The following SUN3 variants were observed in gnomAD, a reference collection of about 807,000 sequenced individuals.
SUN3 encodes SUN domain-containing protein 3.
A neutral mutation model predicts 48.2 loss-of-function variants in SUN3; 36 were observed. The observed-to-expected ratio is 0.75, with a 90% CI of 0.57 to 0.99. The LOEUF is 0.99. Among genes scored for constraint, SUN3 ranks in the 50% least tolerant of loss-of-function variants. The pLI, the probability that SUN3 is intolerant of heterozygous loss-of-function variation, is 0.00. For missense variants in SUN3, 419 were observed against 433.1 expected (o/e 0.97, Z 0.29); for synonymous variants, 148 against 147.9 (o/e 1.00, Z 0.00).
intron 4 of SUN3, among the ~76,000 whole-genome samples, chr7:48,007,975 C>T (rs1789578538): frequency 1.3e-5 from 2 of 152,094 alleles, no homozygotes; most frequent in African/African-American, 4.8e-5. Flanking sequence ...AGGCACATGC[C>T]ACCGCGCTCG....
rs200025227 is a variant in SUN3, at chr7:48,009,131, C to CTT, written c.289-58_289-57dup. ...TGAATTCTGCTTATTCAAATAGAGT[C>CTT]TTTTTTTTTTCTCAGAAAAGGGAAA... On this transcript the variant is annotated intron_variant, in intron 3 of 9. Coordinates refer to ENST00000297325, the MANE Select transcript of SUN3 (RefSeq NM_001030019.2). 3.0e-3 allele frequency: 4,229 copies of CTT among 1,397,942 alleles called. 3 individuals are homozygous for CTT. The highest frequency in any genetic ancestry group is 3.9e-3 in the Non-Finnish European group (3,951 of 1,025,206). The allele number at this position is 1,397,942 out of a possible 1,614,324, so 86.6% of individuals were successfully genotyped here.
chr7:48,010,846 T>C (rs1308224896), intron 3 of SUN3, among the ~76,000 whole-genome samples: 1 of 152,182 alleles, frequency 6.6e-6, no homozygotes, highest in Non-Finnish European at 1.5e-5. Flanking sequence ...AGGTCAAAAG[T>C]GTAAGGTCAA....
intron 3 of SUN3, among the ~76,000 whole-genome samples, chr7:48,010,931 C>T (rs911207702): frequency 1.3e-5 from 2 of 152,166 alleles, no homozygotes; most frequent in Non-Finnish European, 2.9e-5. Flanking sequence ...CTTCTGGTGG[C>T]TCTGGGCATT....
chr7:48,007,949 C>T lies in SUN3; in HGVS notation c.330-622G>A, dbSNP rs141561099. ...AGTGATTCTCTTGCCTCAGCCTCCC[C>T]AGCAGCTAGGATAACAGGCACATGC... On this transcript the variant is annotated intron_variant, in intron 4 of 9. Coordinates refer to ENST00000297325, the MANE Select transcript of SUN3 (RefSeq NM_001030019.2). Among the ~76,000 whole-genome samples the T allele has an allele frequency of 4.2e-4, 64 of 152,026 alleles. No homozygotes were observed. In the East Asian group the frequency reaches 0.012, roughly 30 times the overall value.
intron 3 of SUN3, among the ~76,000 whole-genome samples, chr7:48,009,906 G>A (rs1789636449): frequency 6.6e-6 from 1 of 152,128 alleles, no homozygotes; most frequent in Non-Finnish European, 1.5e-5. Flanking sequence ...CTGTCACTGA[G>A]AAGAACTTGG....
rs550998854 is a variant in SUN3, at chr7:47,991,491, C to CATAT, written c.862-2615_862-2612dup. On this transcript the variant is annotated intron_variant, in intron 8 of 9. Transcript: ENST00000297325. ...ATGGAATGTAGAGGCATTTGGGTGA[C>CATAT]ATATAAGGCAGGCTGTTTAACCCAG... Among the ~76,000 whole-genome samples, 31 of 151,980 alleles carry CATAT rather than the reference C, an allele frequency of 2.0e-4. 1 individual carries two copies. In the South Asian group the frequency reaches 5.8e-3, roughly 29 times the overall value.
intron 8 of SUN3, chr7:47,991,161 C>T (rs1292777691): frequency 1.0e-5 from 4 of 396,538 alleles, no homozygotes; most frequent in Non-Finnish European, 2.0e-5. Flanking sequence ...CAGTGATCCT[C>T]CTGCTTTAGC....
intron 9 of SUN3, 43 bp from the exon 10 acceptor site, chr7:47,987,492 C>G: frequency 6.8e-7 from 1 of 1,470,510 alleles, no homozygotes; most frequent in Non-Finnish European, 9.0e-7. Flanking sequence ...TAACGAAATT[C>G]ATCTCAAAGA....
At chr7:48,007,137 GC>G in intron 5 of SUN3, 27 bp downstream of exon 5, 1 of 1,588,650 alleles carries the variant, frequency 6.3e-7, no homozygotes, top group Non-Finnish European at 8.6e-7. Context: ...ACCCCACCCT[GC>G]CCAACCCGCC....
intron 2 of SUN3, among the ~76,000 whole-genome samples, chr7:48,024,185 C>A (rs1238281460): frequency 2.0e-5 from 3 of 152,058 alleles, no homozygotes; most frequent in South Asian, 2.1e-4. Flanking sequence ...AAATTACAAA[C>A]CTTCGTGTAT....
intron 2 of SUN3, among the ~76,000 whole-genome samples, chr7:48,024,069 C>T (rs1160642551): frequency 6.6e-6 from 1 of 152,104 alleles, no homozygotes; most frequent in Admixed American, 6.5e-5. Flanking sequence ...GCATCATATA[C>T]AAAAATGAAC....
chr7:48,024,668 G>A (rs1790086643), intron 2 of SUN3, among the ~76,000 whole-genome samples: 1 of 152,134 alleles, frequency 6.6e-6, no homozygotes, highest in African/African-American at 2.4e-5. Context: ...ATCTACAACT[G>A]GTGAGGGTCT....
intron 6 of SUN3, among the ~76,000 whole-genome samples, chr7:48,002,188 C>G (rs1404694580): frequency 2.1e-5 from 2 of 95,756 alleles, no homozygotes; most frequent in Non-Finnish European, 3.3e-5. Flanking sequence ...GAGACGGAGT[C>G]TCGCTCTGTC....
intron 6 of SUN3, 115 bp downstream of exon 6, chr7:48,005,854 C>CA: frequency 1.9e-6 from 1 of 514,990 alleles, no homozygotes; most frequent in South Asian, 2.9e-5. Context: ...TTAATTTCCC[C>CA]CCCCCAAGTT....
At chr7:47,987,773 A>T (rs1259556111) in intron 9 of SUN3, among the ~76,000 whole-genome samples, 1 of 152,144 alleles carries the variant, frequency 6.6e-6, no homozygotes, top group Non-Finnish European at 1.5e-5. Flanking sequence ...GGCTCAAATG[A>T]TTTACCTGCC....
At chr7:48,007,398 C>T (rs931779147) in intron 4 of SUN3, 71 bp from the exon 5 acceptor site, 3 of 1,450,716 alleles carry the variant, frequency 2.1e-6, no homozygotes, top group Non-Finnish European at 9.5e-7. Context: ...TGCTGGGCTC[C>T]ACCCGCCATG....
At chr7:48,016,674 AT>A (rs1789823495) in intron 3 of SUN3, among the ~76,000 whole-genome samples, 1 of 152,336 alleles carries the variant, frequency 6.6e-6, no homozygotes, top group South Asian at 2.1e-4. Flanking sequence ...TTTATTTGCC[AT>A]TTTATTTGTG....
chr7:48,007,145 CG>C lies in SUN3; in HGVS notation c.492+19del. ...AACCACCACCCCACCCTGCCCAACCCGCCTAGCCTCATCCAGGACCTCTGTG... is the reference window on the plus strand; with the variant it reads ...AACCACCACCCCACCCTGCCCAACCCCCTAGCCTCATCCAGGACCTCTGTG... On this transcript the variant is annotated intron_variant, in intron 5 of 9. Coordinates refer to ENST00000297325, the MANE Select transcript of SUN3 (RefSeq NM_001030019.2). 1.2e-6 allele frequency: 2 copies of C among 1,606,790 alleles called. No homozygotes were observed. Among genetic ancestry groups the C allele is most frequent in the African/African-American group, 1.3e-5 (1 of 74,816 alleles).
At chr7:47,999,888 G>T (rs7803262) in intron 6 of SUN3, among the ~76,000 whole-genome samples, 10,475 of 152,260 alleles carry the variant, frequency 0.069, 419 homozygotes, top group South Asian at 0.13. Flanking sequence ...TTAAGTAATT[G>T]TTCTCATGAT....
Sources: allele counts gnomAD v4.1 joint callset (sites outside exome capture counted in the v4.1 genomes callset), GRCh38; gene constraint gnomAD v4.1.1; transcripts MANE v1.5; gene names NCBI Gene and HGNC (gene_info 2026-07-23, HGNC 2026-07-21).